The following LRRC49 variants were observed in gnomAD, a reference collection of about 807,000 sequenced individuals.
LRRC49 encodes the protein leucine rich repeat containing 49.
In LRRC49, 50 loss-of-function variants were observed where a neutral mutation model predicts 83.3. The ratio of observed to expected loss-of-function variants is 0.60; its 90% CI spans 0.48 to 0.76. The LOEUF (loss-of-function observed/expected upper bound fraction) is 0.76. LRRC49 is among the 30% of genes least tolerant of loss of function. LRRC49 has a pLI of 0.00. For missense variants in LRRC49, 704 were observed against 809.1 expected (o/e 0.87, Z 1.58); for synonymous variants, 286 against 283.3 (o/e 1.01, Z -0.10).
intron 11 of LRRC49, among the ~76,000 whole-genome samples, chr15:70,997,355 C>T (rs2038107691): frequency 6.6e-6 from 1 of 152,082 alleles, no homozygotes. Context: ...TACTCTGGCT[C>T]TCTTTTGGTT....
At chr15:70,935,699 C>G (rs1158599417) in intron 7 of LRRC49, among the ~76,000 whole-genome samples, 1 of 152,128 alleles carries the variant, frequency 6.6e-6, no homozygotes, top group Non-Finnish European at 1.5e-5. Context: ...CTGAGAATTA[C>G]TGCAAATGAT....
chr15:71,013,119 C>T (rs2038712045), intron 14 of LRRC49, among the ~76,000 whole-genome samples: 1 of 152,086 alleles, frequency 6.6e-6, no homozygotes, highest in Admixed American at 6.6e-5. Flanking sequence ...TAAAGATATA[C>T]ACATACAATT....
At chr15:70,886,649 C>T (rs1202019638) in intron 2 of LRRC49, among the ~76,000 whole-genome samples, 1 of 152,006 alleles carries the variant, frequency 6.6e-6, no homozygotes, top group East Asian at 1.9e-4. Flanking sequence ...AGGTGGGTCA[C>T]GAGGTCAGGA....
At chr15:71,043,542 T>C (rs1227315929) in intron 15 of LRRC49, among the ~76,000 whole-genome samples, 1 of 152,142 alleles carries the variant, frequency 6.6e-6, no homozygotes, top group Non-Finnish European at 1.5e-5. Context: ...CTAACGTGCT[T>C]TCAATGGGAT....
At chr15:70,992,130 A>T (rs554630091) in intron 11 of LRRC49, among the ~76,000 whole-genome samples, 2 of 152,332 alleles carry the variant, frequency 1.3e-5, no homozygotes, top group East Asian at 3.9e-4. Flanking sequence ...CATTCATCAC[A>T]TAGTTCCCGT....
chr15:71,015,919 C>T (rs561330706), intron 14 of LRRC49, among the ~76,000 whole-genome samples: 10 of 152,152 alleles, frequency 6.6e-5, no homozygotes, highest in East Asian at 1.9e-4. Context: ...TAGAGCGAGA[C>T]GAATTACTTG....
upstream of LRRC49, among the ~76,000 whole-genome samples, chr15:70,890,069 T>G (rs946085993): frequency 3.3e-5 from 5 of 152,186 alleles, no homozygotes; most frequent in Admixed American, 2.0e-4. Context: ...GAAAACAGAT[T>G]TATTATGTAT....
intron 8 of LRRC49, among the ~76,000 whole-genome samples, chr15:70,958,807 G>T (rs1435388287): frequency 6.6e-6 from 1 of 152,166 alleles, no homozygotes; most frequent in Non-Finnish European, 1.5e-5. Context: ...GATTGGTAAA[G>T]ACAAGCTCTG....
Position 70,955,211 on chromosome 15 carries a change from T to A in LRRC49, c.774-8574T>A, listed in dbSNP as rs138788145. ...AGGGCCAACTGGACCATATTTTTAC[T>A]GTTATTTTAGAGTGTATTCTTACTT... On this transcript the variant is annotated intron_variant, in intron 8 of 15. Transcript: ENST00000260382. Among the ~76,000 whole-genome samples the A allele has an allele frequency of 2.0e-4, 30 of 152,296 alleles. No homozygotes were observed. In the East Asian group the frequency reaches 5.8e-3, roughly 29 times the overall value.
chr15:70,893,255 G>T (rs760689240), intron 1 of LRRC49: 4 of 558,492 alleles, frequency 7.2e-6, no homozygotes, highest in Non-Finnish European at 1.3e-5. Flanking sequence ...ACTGTGAAGA[G>T]AATTTATCAT....
intron 2 of LRRC49, among the ~76,000 whole-genome samples, chr15:70,883,413 C>T (rs2033319336): frequency 6.6e-6 from 1 of 152,064 alleles, no homozygotes; most frequent in Non-Finnish European, 1.5e-5. Context: ...AGGCTGGTCT[C>T]GAACTCCTAA....
upstream of LRRC49, among the ~76,000 whole-genome samples, chr15:70,891,531 G>A (rs1009223131): frequency 1.3e-5 from 2 of 151,450 alleles, no homozygotes; most frequent in African/African-American, 2.4e-5. Flanking sequence ...CTGGAGCAGC[G>A]AGTGAAAGCA....
chr15:70,875,655 G>C (rs1342687528), intron 2 of LRRC49, among the ~76,000 whole-genome samples: 2 of 152,146 alleles, frequency 1.3e-5, no homozygotes, highest in Non-Finnish European at 1.5e-5. Flanking sequence ...AGTGTTCTAG[G>C]TTTTTCATAT....
At chr15:71,007,517 A>G (rs1168813631) in intron 11 of LRRC49, among the ~76,000 whole-genome samples, 5 of 151,822 alleles carry the variant, frequency 3.3e-5, no homozygotes, top group Admixed American at 6.6e-5. Flanking sequence ...GCAGAAACAA[A>G]AACCATGCTT....
Position 70,948,758 on chromosome 15 carries a change from A to C in LRRC49, c.773+11936A>C, listed in dbSNP as rs574112582. Reference sequence around the variant, plus strand: ...CTTTTAGTGGAGAATGCTGTTTAGAAACTAAGATTTGAGTGCAAGGTGTGC... The same window carrying C: ...CTTTTAGTGGAGAATGCTGTTTAGACACTAAGATTTGAGTGCAAGGTGTGC... On this transcript the variant is annotated intron_variant, in intron 8 of 15. Coordinates refer to ENST00000260382, the MANE Select transcript of LRRC49 (RefSeq NM_017691.5). Among the ~76,000 whole-genome samples, 41 of 152,204 alleles carry C rather than the reference A, an allele frequency of 2.7e-4. No individual in the cohort carries two copies. The South Asian group carries it at 5.6e-3, about 21-fold the overall frequency.
chr15:70,945,519 C>CTGTGTGTGTG lies in LRRC49; in HGVS notation c.773+8735_773+8744dup, dbSNP rs749607668. ...ATACATTCTTTCTGTATTTAACAAC[C>CTGTGTGTGTG]TGTGTGTGTGTGTGTGTGTGTGTGT... is the stretch of plus-strand genomic sequence containing the variant. On this transcript the variant is annotated intron_variant, in intron 8 of 15. Transcript: ENST00000260382. Among the ~76,000 whole-genome samples, 429 of 135,872 alleles carry CTGTGTGTGTG rather than the reference C, an allele frequency of 3.2e-3. 3 individuals are homozygous for CTGTGTGTGTG. The highest frequency in any genetic ancestry group is 0.01 in the East Asian group (46 of 4,552). The allele number at this position is 135,872 out of a possible 152,430, so 89.1% of individuals were successfully genotyped here. A position where few individuals can be genotyped will look rare whatever the true frequency, so the allele number is the denominator to read the frequency against.
intron 9 of LRRC49, among the ~76,000 whole-genome samples, chr15:70,971,375 G>C (rs1249709138): frequency 6.6e-6 from 1 of 151,026 alleles, no homozygotes; most frequent in East Asian, 1.9e-4. Flanking sequence ...TCTTTTGCAT[G>C]TTTTACTTCC....
Position 70,892,841 on chromosome 15 carries a change from C to T in LRRC49, c.-54C>T. ...TCTTTCGGGTCTCTTTGAATCTCCG[C>T]TGTAGCGTCACCTGGAAGGCAGATC... On this transcript the variant is annotated 5_prime_UTR_variant, in exon 1 of 16. Coordinates refer to ENST00000260382, the MANE Select transcript of LRRC49 (RefSeq NM_017691.5). 1 of 1,614,174 alleles carries T rather than the reference C, an allele frequency of 6.2e-7. No homozygotes were observed. Among genetic ancestry groups the T allele is most frequent in the Non-Finnish European group, 8.5e-7 (1 of 1,180,014 alleles).
chr15:70,867,215 A>T (rs1429743052), intron 1 of LRRC49, among the ~76,000 whole-genome samples: 1 of 152,016 alleles, frequency 6.6e-6, no homozygotes, highest in African/African-American at 2.4e-5. Flanking sequence ...CTCATATCAG[A>T]CACTCTCCAG....
Sources: gnomAD v4.1 joint callset for allele counts (sites outside exome capture counted in the v4.1 genomes callset) on GRCh38, gnomAD v4.1.1 for gene constraint, MANE v1.5 for transcripts, NCBI Gene and HGNC (gene_info 2026-07-23, HGNC 2026-07-21) for gene names.